The following COL4A5 variants were observed in gnomAD, a reference collection of about 807,000 sequenced individuals.
COL4A5 encodes the protein collagen alpha-5(IV) chain.
Under a neutral mutation model 130.2 loss-of-function variants are expected in COL4A5, and 26 were observed. That is an observed-to-expected ratio of 0.20 (90% confidence interval 0.15 to 0.28). The LOEUF (loss-of-function observed/expected upper bound fraction) is 0.28. Ranked by LOEUF, COL4A5 falls within the 10% of genes least tolerant of loss-of-function variation. The pLI is 1.00. For synonymous variants in COL4A5, 496 were observed against 439.6 expected (o/e 1.13, Z -1.60); for missense variants, 1,131 against 1,344.3 (o/e 0.84, Z 2.48).
rs769214642 is a variant in COL4A5 at position 108,586,639 on chromosome X, A to G, written c.1057A>G (p.Ile353Val). The G allele has an allele frequency of 8.3e-6, 10 of 1,204,090 alleles. No individual in the cohort carries two copies. The highest frequency in any genetic ancestry group is 2.2e-5 in the Admixed American group (1 of 45,471). Reference sequence around the variant, plus strand: ...GGTAATTCCTAGACCTGGGACTGGTATAACTATAGGAGAAAAAGGAAACAT... The same window carrying G: ...GGTAATTCCTAGACCTGGGACTGGTGTAACTATAGGAGAAAAAGGAAACAT... ...GLVIPRPGTG[I>V]TIGEKGNIGL... is the part of the protein sequence containing the mutation. Residue 353 changes from isoleucine (I) to valine (V), a missense_variant, in exon 19 of 53, where the codon ATA becomes GTA. Coordinates refer to ENST00000328300, the MANE Select transcript of COL4A5 (RefSeq NM_033380.3).
intron 1 of COL4A5, among the ~76,000 whole-genome samples, chrX:108,453,078 G>A (rs1371220318): frequency 9.0e-6 from 1 of 111,584 alleles, no homozygotes; most frequent in Non-Finnish European, 1.9e-5. Flanking sequence ...CATCTATTGA[G>A]GTAATTATGT....
At chrX:108,469,942 A>G (rs2064747695) in intron 1 of COL4A5, among the ~76,000 whole-genome samples, 1 of 111,847 alleles carries the variant, frequency 8.9e-6, no homozygotes, top group African/African-American at 3.3e-5. Flanking sequence ...AGCTGCATCC[A>G]TATTGCTGCA....
Position 108,511,878 on chromosome X carries a change from C to G in COL4A5, c.82-27868C>G, listed in dbSNP as rs192579596. Among the ~76,000 whole-genome samples the G allele has an allele frequency of 1.6e-4, 18 of 111,375 alleles. No individual in the cohort carries two copies. In the East Asian group the frequency reaches 4.0e-3, roughly 25 times the overall value. On this transcript the variant is annotated intron_variant, in intron 1 of 52. Coordinates refer to ENST00000328300, the MANE Select transcript of COL4A5 (RefSeq NM_033380.3). ...AGACAGAAACTAGATTGGTGGTTGC[C>G]TAGGACTGGGTGGGGGATGTGGTTG...
chrX:108,613,373 A>G (rs1261409265), intron 29 of COL4A5, among the ~76,000 whole-genome samples: 2 of 112,300 alleles, frequency 1.8e-5, no homozygotes, highest in Non-Finnish European at 3.8e-5. Flanking sequence ...GTACTTTGTC[A>G]TCCCTTGTTT....
intron 1 of COL4A5, among the ~76,000 whole-genome samples, chrX:108,450,459 G>A (rs941084841): frequency 4.5e-5 from 5 of 111,585 alleles, no homozygotes; most frequent in Non-Finnish European, 5.6e-5. Context: ...GGTATTTGGC[G>A]GGCATTTTCT....
At chrX:108,462,241 C>G (rs1225864639) in intron 1 of COL4A5, among the ~76,000 whole-genome samples, 1 of 110,948 alleles carries the variant, frequency 9.0e-6, no homozygotes, top group Non-Finnish European at 1.9e-5. Context: ...GTCATTTTTT[C>G]TTATATGTAT....
rs781445047 is a variant in COL4A5, at chrX:108,568,778, G to C, written c.341G>C (p.Gly114Ala). Residue 114 changes from glycine (G) to alanine (A), a missense_variant, in exon 6 of 53, where the codon GGG becomes GCG. Gly to Ala is a moderately conservative substitution (Grantham distance 60, BLOSUM62 0). Transcript: ENST00000328300. ...PGLPGMPGHD[G>A]APGPQGIPGC... ...TCAAAGGGAATGCCAGGCCACGATG[G>C]GGCCCCAGGACCTCAAGGTATTCCC... 6 of 1,210,675 alleles carry C rather than the reference G, an allele frequency of 5.0e-6. No individual in the cohort carries two copies. Among genetic ancestry groups the C allele is most frequent in the Non-Finnish European group, 5.6e-6 (5 of 894,922 alleles).
At chrX:108,539,387 T>C (rs774341708) in intron 1 of COL4A5, among the ~76,000 whole-genome samples, 2 of 112,058 alleles carry the variant, frequency 1.8e-5, no homozygotes, top group Non-Finnish European at 3.8e-5. Context: ...GTCTGTACTT[T>C]ATATGTGAAT....
At chrX:108,634,687 C>G (rs1214402842) in intron 36 of COL4A5, among the ~76,000 whole-genome samples, 1 of 111,490 alleles carries the variant, frequency 9.0e-6, no homozygotes, top group Non-Finnish European at 1.9e-5. Flanking sequence ...TTTAAATTAG[C>G]ATTTACCAAA....
At chrX:108,661,943 T>A (rs1199632755) in intron 37 of COL4A5, among the ~76,000 whole-genome samples, 1 of 110,125 alleles carries the variant, frequency 9.1e-6, no homozygotes, top group Non-Finnish European at 1.9e-5. Context: ...ATTATTATAC[T>A]TTAAGTTTTA....
At chrX:108,481,442 G>C (rs1048491747) in intron 1 of COL4A5, among the ~76,000 whole-genome samples, 10 of 111,458 alleles carry the variant, frequency 9.0e-5, no homozygotes, top group African/African-American at 3.3e-4. Flanking sequence ...TTGATGGAGG[G>C]GTTGCGATTC....
chrX:108,473,710 C>T (rs1206520338), intron 1 of COL4A5, among the ~76,000 whole-genome samples: 4 of 97,294 alleles, frequency 4.1e-5, no homozygotes, highest in Non-Finnish European at 6.1e-5. Flanking sequence ...CGGTTCACTG[C>T]AACCTCTGCC....
At chrX:108,474,567 T>C (rs1418239647) in intron 1 of COL4A5, among the ~76,000 whole-genome samples, 2 of 112,323 alleles carry the variant, frequency 1.8e-5, no homozygotes, top group East Asian at 5.6e-4. Context: ...AAGTGATGCA[T>C]GACTGTAATT....
Position 108,597,563 on chromosome X carries a change from G to C in COL4A5, c.1774G>C (p.Glu592Gln), listed in dbSNP as rs1187210969. The part of the protein sequence containing the change: ...GLPGLPGPKG[E>Q]PGGITFKGER... ...GCCAGGGCTTCCTGGCCCGAAAGGAGAGCCTGTGAGTTGGTTTGATATTTT... is the reference window on the plus strand; with the variant it reads ...GCCAGGGCTTCCTGGCCCGAAAGGACAGCCTGTGAGTTGGTTTGATATTTT... The change falls in exon 24 of 53, where the codon GAG becomes CAG. Residue 592 changes from glutamate to glutamine, a missense_variant. Coordinates refer to ENST00000328300, the MANE Select transcript of COL4A5 (RefSeq NM_033380.3). 6.6e-6 allele frequency: 8 copies of C among 1,206,125 alleles called. No individual in the cohort carries two copies. Among genetic ancestry groups the C allele is most frequent in the Non-Finnish European group, 9.0e-6 (8 of 893,475 alleles).
intron 29 of COL4A5, among the ~76,000 whole-genome samples, chrX:108,607,529 G>A (rs1485089440): frequency 1.3e-5 from 1 of 79,314 alleles, no homozygotes; most frequent in African/African-American, 5.2e-5. Context: ...TGTCTCCCAG[G>A]CTGGAGTGCA....
chrX:108,450,260 G>A (rs777179938), intron 1 of COL4A5, among the ~76,000 whole-genome samples: 7 of 111,663 alleles, frequency 6.3e-5, no homozygotes, highest in South Asian at 3.8e-4. Context: ...TGCATGGAAC[G>A]CTTTTTTGTT....
At chrX:108,503,912 C>T (rs1032846802) in intron 1 of COL4A5, among the ~76,000 whole-genome samples, 6 of 111,680 alleles carry the variant, frequency 5.4e-5, no homozygotes, top group Non-Finnish European at 3.8e-5. Flanking sequence ...TCATATGGAA[C>T]CAAAAAGGAG....
intron 1 of COL4A5, among the ~76,000 whole-genome samples, chrX:108,527,494 G>T (rs1351067809): frequency 9.0e-6 from 1 of 111,632 alleles, no homozygotes; most frequent in Non-Finnish European, 1.9e-5. Flanking sequence ...TATTTTAAAT[G>T]CCACAGTATG....
intron 1 of COL4A5, among the ~76,000 whole-genome samples, chrX:108,516,811 G>A (rs756876231): frequency 9.0e-6 from 1 of 111,626 alleles, no homozygotes; most frequent in African/African-American, 3.2e-5. Context: ...TTAGTTGGAA[G>A]TCTTGGATAA....
Sources: allele counts gnomAD v4.1 joint callset (sites outside exome capture counted in the v4.1 genomes callset), GRCh38; gene constraint gnomAD v4.1.1; transcripts MANE v1.5; gene names NCBI Gene and HGNC (gene_info 2026-07-23, HGNC 2026-07-21).